The following TMEM135 variants were observed in gnomAD, a reference collection of about 807,000 sequenced individuals.
TMEM135 encodes peroxisomal membrane protein 52.
Under a neutral mutation model 60.3 loss-of-function variants are expected in TMEM135, and 30 were observed. The observed-to-expected ratio is 0.50, with a 90% confidence interval of 0.37 to 0.68. The LOEUF (loss-of-function observed/expected upper bound fraction) is 0.68, where lower values mean the gene tolerates loss of function less well. Ranked by LOEUF, TMEM135 falls within the 30% of genes least tolerant of loss-of-function variation. The pLI is 0.00. For synonymous variants in TMEM135, 190 were observed against 186.7 expected (o/e 1.02, Z -0.14); for missense variants, 468 against 548.8 (o/e 0.85, Z 1.47).
intron 7 of TMEM135, 35 bp from the exon 8 acceptor site, chr11:87,302,261 G>A: frequency 6.2e-7 from 1 of 1,602,860 alleles, no homozygotes; most frequent in Non-Finnish European, 8.5e-7. Context: ...CTATTTTTAA[G>A]TGAAAAATGC....
At chr11:87,229,731 G>A (rs181849856) in intron 5 of TMEM135, among the ~76,000 whole-genome samples, 1 of 152,200 alleles carries the variant, frequency 6.6e-6, no homozygotes, top group East Asian at 1.9e-4. Flanking sequence ...CTTTGTGTAT[G>A]TAAAATTGAA....
At chr11:87,146,927 C>T (rs1268558349) in intron 4 of TMEM135, among the ~76,000 whole-genome samples, 8 of 151,932 alleles carry the variant, frequency 5.3e-5, no homozygotes, top group Non-Finnish European at 1.2e-4. Flanking sequence ...CTGCTAAATA[C>T]AACTATTTTT....
At chr11:87,143,364 TTC>T (rs67692805) in intron 4 of TMEM135, among the ~76,000 whole-genome samples, 18,323 of 137,966 alleles carry the variant, frequency 0.13, 1,180 homozygotes, top group Middle Eastern at 0.16. Flanking sequence ...CTTTCTTTCT[TTC>T]TTTTTTTTTT....
chr11:87,147,909 C>T (rs1014726035), intron 4 of TMEM135, among the ~76,000 whole-genome samples: 5 of 152,212 alleles, frequency 3.3e-5, no homozygotes, highest in African/African-American at 1.2e-4. Context: ...AGGCACGCAC[C>T]ACCATGCCTA....
intron 4 of TMEM135, among the ~76,000 whole-genome samples, chr11:87,129,213 A>ATTTTTTTTTTTTTTTTTTTTTTTTT (rs71040295): frequency 3.4e-5 from 4 of 116,164 alleles, no homozygotes; most frequent in Non-Finnish European, 7.5e-5. Context: ...TTATTCCTTA[A>ATTTTTTTTTTTTTTTTTTTTTTTTT]TTTTTTTTTT....
chr11:87,284,163 C>G (rs768662333), intron 6 of TMEM135, among the ~76,000 whole-genome samples: 2 of 152,200 alleles, frequency 1.3e-5, no homozygotes, highest in Non-Finnish European at 2.9e-5. Context: ...AGTCTGCACT[C>G]ATGCCATTTC....
At chr11:87,166,453 C>T (rs1346308527) in intron 5 of TMEM135, among the ~76,000 whole-genome samples, 1 of 151,648 alleles carries the variant, frequency 6.6e-6, no homozygotes, top group African/African-American at 2.4e-5. Flanking sequence ...ACGTTTAAGT[C>T]TTTAATCCAT....
intron 5 of TMEM135, among the ~76,000 whole-genome samples, chr11:87,195,936 C>T (rs1166590553): frequency 6.6e-6 from 1 of 151,934 alleles, no homozygotes; most frequent in Non-Finnish European, 1.5e-5. Context: ...CAGTTATAAA[C>T]TTGTATGGAA....
intron 4 of TMEM135, among the ~76,000 whole-genome samples, chr11:87,148,861 T>G (rs772427936): frequency 6.6e-6 from 1 of 152,214 alleles, no homozygotes; most frequent in African/African-American, 2.4e-5. Context: ...AAATTTATAA[T>G]TTTTGTTTGA....
intron 5 of TMEM135, among the ~76,000 whole-genome samples, chr11:87,185,344 C>G (rs1459422579): frequency 6.6e-6 from 1 of 152,084 alleles, no homozygotes; most frequent in Non-Finnish European, 1.5e-5. Flanking sequence ...TTGGTTCCCC[C>G]CTCATCCCTC....
rs532822017 is a variant in TMEM135 at position 87,097,733 on chromosome 11, A to G, written c.396+6338A>G. 2.0e-5 allele frequency among the ~76,000 whole-genome samples: 3 copies of G among 152,126 alleles called. No homozygotes were observed. In the South Asian group the frequency reaches 6.2e-4, roughly 32 times the overall value. On this transcript the variant is annotated intron_variant, in intron 4 of 14. Transcript: ENST00000305494. ...ATGACAAGCATGCTTTCTCTTCAGG[A>G]CTTTGATACTTGCTGTTCGCTCTGT...
chr11:87,252,394 A>G (rs953737035), intron 6 of TMEM135, among the ~76,000 whole-genome samples: 5 of 146,518 alleles, frequency 3.4e-5, no homozygotes, highest in African/African-American at 9.7e-5. Flanking sequence ...AAGAGGACTG[A>G]AAAAAAGTAG....
At chr11:87,133,104 A>C (rs1369937620) in intron 4 of TMEM135, among the ~76,000 whole-genome samples, 1 of 152,166 alleles carries the variant, frequency 6.6e-6, no homozygotes, top group Non-Finnish European at 1.5e-5. Context: ...CTGAGGTGAG[A>C]GGGGGCAGGA....
In TMEM135 at chr11:87,326,911, C is replaced by CT. The variant is rs11332885; in HGVS notation, c.*5597dup. ...AGGCATCATTGAATCATCTGAGGAC[C>CT]TTTTTTTTTTTTTTTTTTTCACTAA... On this transcript the variant is annotated 3_prime_UTR_variant, in exon 15 of 15. Transcript: ENST00000305494. 20,550 of 384,848 alleles carry CT rather than the reference C, an allele frequency of 0.053. 346 individuals carry two copies. Among genetic ancestry groups the CT allele is most frequent in the African/African-American group, 0.064 (2,604 of 40,886 alleles). The allele number at this position is 384,848 out of a possible 1,614,324, so 23.8% of individuals were successfully genotyped here.
Position 87,326,197 on chromosome 11 carries a change from G to A in TMEM135, c.*4864G>A, listed in dbSNP as rs1456584333. The A allele has an allele frequency of 4.4e-6, 2 of 453,696 alleles. No homozygotes were observed. The highest frequency in any genetic ancestry group is 2.4e-5 in the Admixed American group (1 of 42,526). The allele number at this position is 453,696 out of a possible 1,614,324, so 28.1% of individuals were successfully genotyped here. ...CTTGTCAGACCGTGGATAATAGGAT[G>A]TTCCCTGGTCTTGGCATAGAGGCCA... On this transcript the variant is annotated 3_prime_UTR_variant, in exon 15 of 15. Transcript: ENST00000305494.
chr11:87,315,501 A>G (rs1481862821), intron 12 of TMEM135, among the ~76,000 whole-genome samples: 1 of 151,882 alleles, frequency 6.6e-6, no homozygotes. Context: ...TTAGGTGTTG[A>G]TAGAGCCAAC....
intron 5 of TMEM135, among the ~76,000 whole-genome samples, chr11:87,167,097 G>A (rs1939074021): frequency 6.6e-6 from 1 of 152,018 alleles, no homozygotes; most frequent in African/African-American, 2.4e-5. Flanking sequence ...TCAAGATTTG[G>A]CGTTCTCTTT....
chr11:87,045,761 T>A (rs759954260), intron 1 of TMEM135, among the ~76,000 whole-genome samples: 4 of 152,228 alleles, frequency 2.6e-5, no homozygotes, highest in African/African-American at 4.8e-5. Context: ...AAAACTTTCT[T>A]TTCATTATTT....
chr11:87,253,632 CATATATATATATATAT>C (rs60680451), intron 6 of TMEM135, among the ~76,000 whole-genome samples: 16 of 128,288 alleles, frequency 1.2e-4, no homozygotes, highest in Admixed American at 2.6e-4. Context: ...AAGGATGAGC[CATATATATATATATAT>C]ATATATATAT....
Sources: gnomAD v4.1 joint callset for allele counts (sites outside exome capture counted in the v4.1 genomes callset) on GRCh38, gnomAD v4.1.1 for gene constraint, MANE v1.5 for transcripts, NCBI Gene and HGNC (gene_info 2026-07-23, HGNC 2026-07-21) for gene names.